SGK1: variants seen among roughly 807,000 people sequenced by gnomAD.
SGK1 encodes the protein serum/glucocorticoid regulated kinase 1.
A neutral mutation model predicts 64.2 loss-of-function variants in SGK1; 26 were observed. The observed-to-expected ratio is 0.40, with a 90% CI of 0.30 to 0.56. The LOEUF (loss-of-function observed/expected upper bound fraction) is 0.56. SGK1 is among the 20% of genes least tolerant of loss of function. The pLI is 0.38. For synonymous variants in SGK1, 265 were observed against 239.7 expected (o/e 1.11, Z -0.98); for missense variants, 519 against 645.6 (o/e 0.80, Z 2.12).
intron 2 of SGK1, among the ~76,000 whole-genome samples, chr6:134,259,362 G>A (rs965669768): frequency 2.6e-5 from 4 of 152,048 alleles, no homozygotes; most frequent in African/African-American, 9.7e-5. Context: ...AACTCAGGCT[G>A]GGCGCAGTGG....
At chr6:134,170,761 C>A in intron 13 of SGK1, 65 bp downstream of exon 13, 1 of 1,075,864 alleles carries the variant, frequency 9.3e-7, no homozygotes, top group Non-Finnish European at 1.4e-6. Flanking sequence ...CTCCCCCAGA[C>A]AATTCTGAAT....
chr6:134,210,583 T>C (rs1379061717), intron 2 of SGK1, among the ~76,000 whole-genome samples: 2 of 151,980 alleles, frequency 1.3e-5, no homozygotes, highest in Admixed American at 6.6e-5. Flanking sequence ...CCCAGCACTT[T>C]GGGAGGCCGA....
chr6:134,174,189 T>C, intron 4 of SGK1, 109 bp from the exon 5 acceptor site: 1 of 764,866 alleles, frequency 1.3e-6, no homozygotes, highest in Non-Finnish European at 2.2e-6. Flanking sequence ...TAATTCACTG[T>C]TTAAACTGAA....
Position 134,206,367 on chromosome 6 carries a change from ATATATATATATATATATTTTTTTTTTT to A in SGK1, c.361+962_361+988del, listed in dbSNP as rs1286134020. Among the ~76,000 whole-genome samples, 72 of 8,256 alleles carry A rather than the reference ATATATATATATATATATTTTTTTTTTT, an allele frequency of 8.7e-3. 2 individuals are homozygous for A. The highest frequency in any genetic ancestry group is 0.017 in the African/African-American group (67 of 3,984). The allele number at this position is 8,256 out of a possible 152,430, so 5.4% of individuals were successfully genotyped here. A position where few individuals can be genotyped will look rare whatever the true frequency, so the allele number is the denominator to read the frequency against. On this transcript the variant is annotated intron_variant, in intron 3 of 13. Coordinates refer to ENST00000367858, the MANE Select transcript of SGK1 (RefSeq NM_001143676.3). ...TATATATATATATATATATATATAT[ATATATATATATATATATTTTTTTTTTT>A]TTTTTTTTTTTTTAAATGACAGGCA... is the stretch of plus-strand genomic sequence containing the variant.
chr6:134,276,069 T>TG (rs1777012980), intron 1 of SGK1, among the ~76,000 whole-genome samples: 1 of 152,210 alleles, frequency 6.6e-6, no homozygotes, highest in Non-Finnish European at 1.5e-5. Flanking sequence ...TCTTCCTAGC[T>TG]TATTCCTGCT....
At chr6:134,289,498 T>C (rs1777231383) in intron 1 of SGK1, among the ~76,000 whole-genome samples, 1 of 152,200 alleles carries the variant, frequency 6.6e-6, no homozygotes. Context: ...AAAAGAAACA[T>C]GAAATTAATT....
chr6:134,231,062 G>T (rs566338486), intron 2 of SGK1, among the ~76,000 whole-genome samples: 1 of 152,126 alleles, frequency 6.6e-6, no homozygotes, highest in Non-Finnish European at 1.5e-5. Context: ...AGTGGTACAC[G>T]CCTGTGGTCC....
intron 1 of SGK1, among the ~76,000 whole-genome samples, chr6:134,295,780 G>A (rs1174562296): frequency 1.3e-5 from 2 of 152,042 alleles, no homozygotes; most frequent in African/African-American, 4.8e-5. Flanking sequence ...CCAGGAGCAG[G>A]ACAGTAGCAA....
intron 3 of SGK1, among the ~76,000 whole-genome samples, chr6:134,192,786 CG>C (rs2114667317): frequency 6.6e-6 from 1 of 152,058 alleles, no homozygotes; most frequent in African/African-American, 2.4e-5. Flanking sequence ...GTCTGAAACT[CG>C]ACCTCAAATG....
intron 1 of SGK1, among the ~76,000 whole-genome samples, chr6:134,284,509 A>G (rs1322774872): frequency 7.1e-6 from 1 of 141,528 alleles, no homozygotes; most frequent in Admixed American, 7.3e-5. Flanking sequence ...TTTTTGAGAT[A>G]GAGTCTCACT....
chr6:134,306,965 A>C (rs1408080417), intron 1 of SGK1, among the ~76,000 whole-genome samples: 1 of 149,232 alleles, frequency 6.7e-6, no homozygotes, highest in Non-Finnish European at 1.5e-5. Context: ...TGAATCTGTT[A>C]TTTCAAAGGA....
chr6:134,188,054 C>T (rs970921708), intron 3 of SGK1, among the ~76,000 whole-genome samples: 3 of 152,164 alleles, frequency 2.0e-5, no homozygotes, highest in African/African-American at 7.2e-5. Flanking sequence ...TCCATCCTTG[C>T]CACCATGGCT....
intron 2 of SGK1, among the ~76,000 whole-genome samples, chr6:134,242,417 C>T (rs1002561628): frequency 5.9e-5 from 9 of 151,680 alleles, no homozygotes; most frequent in Admixed American, 2.0e-4. Flanking sequence ...ACCTGGGAGG[C>T]GGAGGTTGCA....
At chr6:134,178,018 T>C in intron 3 of SGK1, 1 of 579,026 alleles carries the variant, frequency 1.7e-6, no homozygotes. Flanking sequence ...ACACAAGAAA[T>C]GTAACTTAAC....
At chr6:134,268,579 C>T (rs935680422) in intron 1 of SGK1, among the ~76,000 whole-genome samples, 1 of 135,854 alleles carries the variant, frequency 7.4e-6, no homozygotes, top group African/African-American at 2.5e-5. Flanking sequence ...AAAAAATTGC[C>T]GGGCGTAGTG....
intron 2 of SGK1, chr6:134,218,889 T>C (rs1776033041): frequency 6.6e-6 from 1 of 152,230 alleles, no homozygotes; most frequent in Non-Finnish European, 1.5e-5. Flanking sequence ...CCAGAATCAA[T>C]GATGGCACAT....
intron 3 of SGK1, among the ~76,000 whole-genome samples, chr6:134,187,282 A>C (rs936541547): frequency 6.6e-6 from 1 of 152,168 alleles, no homozygotes; most frequent in Non-Finnish European, 1.5e-5. Context: ...GTTCAATGGA[A>C]TCATTGTTGT....
chr6:134,316,680 A>G (rs1777689258), intron 1 of SGK1, among the ~76,000 whole-genome samples: 1 of 150,936 alleles, frequency 6.6e-6, no homozygotes, highest in African/African-American at 2.4e-5. Context: ...TTTAAGAAAT[A>G]AATGCATACA....
chr6:134,282,018 G>A (rs1777101627), intron 1 of SGK1, among the ~76,000 whole-genome samples: 1 of 152,140 alleles, frequency 6.6e-6, no homozygotes, highest in Non-Finnish European at 1.5e-5. Flanking sequence ...TTCCCTCTAA[G>A]CCTTATAGGA....
Sources: allele counts gnomAD v4.1 joint callset (sites outside exome capture counted in the v4.1 genomes callset), GRCh38; gene constraint gnomAD v4.1.1; transcripts MANE v1.5; gene names NCBI Gene and HGNC (gene_info 2026-07-23, HGNC 2026-07-21).